The following TDRD9 variants were observed in gnomAD, a reference collection of about 807,000 sequenced individuals.
TDRD9 encodes tudor domain containing 9, also known as ATP-dependent RNA helicase TDRD9.
A neutral mutation model predicts 172.6 loss-of-function variants in TDRD9; 124 were observed. The ratio of observed to expected loss-of-function variants is 0.72; its 90% CI spans 0.62 to 0.83. The LOEUF (loss-of-function observed/expected upper bound fraction) is 0.83, where lower values mean the gene tolerates loss of function less well. Among genes scored for constraint, TDRD9 ranks in the 40% least tolerant of loss-of-function variants. The probability of loss-of-function intolerance (pLI) is 0.00; values close to 1 mark genes in which losing one functional copy is unlikely to be tolerated. For missense variants in TDRD9, 1,479 were observed against 1,714.1 expected (o/e 0.86, Z 2.42); for synonymous variants, 619 against 617.1 (o/e 1.00, Z -0.05).
intron 12 of TDRD9, 146 bp from the exon 13 acceptor site, chr14:103,998,478 T>G: frequency 1.8e-6 from 1 of 570,372 alleles, no homozygotes; most frequent in Non-Finnish European, 3.1e-6. Context: ...TGGGCGGGAG[T>G]GGTCGGTGCG....
chr14:103,952,217 TA>T (rs2152127374), intron 1 of TDRD9, among the ~76,000 whole-genome samples: 3 of 50,482 alleles, frequency 5.9e-5, no homozygotes, highest in African/African-American at 1.1e-4. Context: ...TATATATATA[TA>T]TATTTTTTTT....
chr14:103,941,976 A>G, intron 1 of TDRD9: 1 of 368,562 alleles, frequency 2.7e-6, no homozygotes, highest in Non-Finnish European at 4.8e-6. Flanking sequence ...ATCCGAAAAT[A>G]ACACTAACAC....
chr14:104,024,546 T>G, intron 24 of TDRD9, 23 bp from the exon 25 acceptor site: 1 of 1,382,042 alleles, frequency 7.2e-7, no homozygotes, highest in Non-Finnish European at 1.0e-6. Context: ...ATTTTTATTT[T>G]AATAAAAATT....
rs2034455654 is a variant in TDRD9 at position 104,006,832 on chromosome 14, T to C, written c.1994T>C (p.Val665Ala). ...GSSKSDCIAL[V>A]EAFKTWKACR... Reference sequence around the variant, plus strand: ...AGCAAGAGTGACTGTATTGCACTTGTTGAGGCATTTAAAGTAAGTTTTCTG... The same window carrying C: ...AGCAAGAGTGACTGTATTGCACTTGCTGAGGCATTTAAAGTAAGTTTTCTG... The change falls in exon 18 of 36, where the codon GTT becomes GCT. Residue 665 changes from valine (V) to alanine (A), a missense_variant. Transcript: ENST00000409874. The C allele has an allele frequency of 1.2e-6, 2 of 1,612,706 alleles. No homozygotes were observed. Among genetic ancestry groups the C allele is most frequent in the African/African-American group, 1.3e-5 (1 of 74,952 alleles).
At chr14:104,045,390 CTTTT>C (rs55844445) in intron 34 of TDRD9, among the ~76,000 whole-genome samples, 4 of 133,900 alleles carry the variant, frequency 3.0e-5, no homozygotes, top group Non-Finnish European at 3.1e-5. Flanking sequence ...GTCATTTATC[CTTTT>C]TTTTTTTTTT....
intron 8 of TDRD9, among the ~76,000 whole-genome samples, chr14:103,990,335 G>T (rs2033822038): frequency 1.3e-5 from 2 of 152,220 alleles, no homozygotes; most frequent in African/African-American, 2.4e-5. Flanking sequence ...TGCCTGTGCT[G>T]CAGTGACTGG....
At chr14:103,986,892 G>GA (rs1158471933) in intron 8 of TDRD9, among the ~76,000 whole-genome samples, 2 of 152,154 alleles carry the variant, frequency 1.3e-5, no homozygotes, top group Non-Finnish European at 2.9e-5. Context: ...GAGGTCGGGG[G>GA]ATCACAAGGT....
At chr14:103,940,836 C>G (rs1330976618) in intron 1 of TDRD9, 10 of 1,535,106 alleles carry the variant, frequency 6.5e-6, no homozygotes, top group Non-Finnish European at 7.8e-6. Context: ...ATGGTAGGTT[C>G]CATATTCTGT....
At chr14:103,975,783 T>A (rs917009908) in intron 7 of TDRD9, among the ~76,000 whole-genome samples, 1 of 152,244 alleles carries the variant, frequency 6.6e-6, no homozygotes, top group Admixed American at 6.5e-5. Context: ...ACATTTATCA[T>A]TGTTAATTAT....
chr14:104,018,251 TC>T, intron 23 of TDRD9, 59 bp downstream of exon 23: 1 of 1,094,436 alleles, frequency 9.1e-7, no homozygotes, highest in Non-Finnish European at 1.3e-6. Context: ...TTCAAATGTT[TC>T]CAGACGCTGA....
chr14:103,962,303 GAA>G (rs935600043), intron 2 of TDRD9, among the ~76,000 whole-genome samples: 9 of 152,248 alleles, frequency 5.9e-5, no homozygotes, highest in African/African-American at 2.2e-4. Flanking sequence ...AAATTTCAAG[GAA>G]AAGTTTTCTC....
intron 28 of TDRD9, among the ~76,000 whole-genome samples, chr14:104,030,274 C>T (rs1440072269): frequency 1.3e-5 from 2 of 152,184 alleles, no homozygotes; most frequent in Non-Finnish European, 2.9e-5. Flanking sequence ...GGGCAGATCA[C>T]CTGAGGTCAG....
intron 2 of TDRD9, among the ~76,000 whole-genome samples, chr14:103,956,674 A>G (rs1020318676): frequency 1.3e-5 from 2 of 149,910 alleles, no homozygotes; most frequent in African/African-American, 4.9e-5. Flanking sequence ...TTTTTTTTTT[A>G]CAATAAAGAT....
chr14:104,032,271 A>G (rs2035307226), intron 30 of TDRD9, among the ~76,000 whole-genome samples, 184 bp downstream of exon 30: 1 of 152,006 alleles, frequency 6.6e-6, no homozygotes, highest in Non-Finnish European at 1.5e-5. Flanking sequence ...CAGTGGCGCA[A>G]TCTTGGCTCA....
intron 20 of TDRD9, among the ~76,000 whole-genome samples, chr14:104,010,235 G>A (rs1057304677): frequency 1.3e-4 from 20 of 150,438 alleles, no homozygotes; most frequent in African/African-American, 4.9e-4. Context: ...GTGAGCCACT[G>A]TGCCTGTCCT....
chr14:103,964,807 G>C (rs2032663486), intron 3 of TDRD9, among the ~76,000 whole-genome samples: 1 of 152,192 alleles, frequency 6.6e-6, no homozygotes, highest in Non-Finnish European at 1.5e-5. Context: ...GCAGATGTGA[G>C]CCACCTGTGC....
At chr14:103,994,411 A>G (rs755135511) in intron 10 of TDRD9, 25 bp downstream of exon 10, 5 of 1,610,620 alleles carry the variant, frequency 3.1e-6, no homozygotes, top group South Asian at 1.1e-5. Flanking sequence ...ATACAGCTGT[A>G]TTCTTCTAAG....
intron 7 of TDRD9, among the ~76,000 whole-genome samples, chr14:103,983,519 A>G (rs932378545): frequency 2.0e-5 from 3 of 152,180 alleles, no homozygotes; most frequent in Non-Finnish European, 4.4e-5. Context: ...TATTCTGCAC[A>G]TAGTGTTTAA....
chr14:103,964,843 G>T (rs1281728142), intron 3 of TDRD9, among the ~76,000 whole-genome samples: 2 of 152,158 alleles, frequency 1.3e-5, no homozygotes, highest in South Asian at 2.1e-4. Flanking sequence ...TGTTAAATAG[G>T]TAGTAGAGTT....
Sources: allele counts gnomAD v4.1 joint callset (sites outside exome capture counted in the v4.1 genomes callset), GRCh38; gene constraint gnomAD v4.1.1; transcripts MANE v1.5; gene names NCBI Gene and HGNC (gene_info 2026-07-23, HGNC 2026-07-21).